KMT2A: variants seen among roughly 807,000 people sequenced by gnomAD.
KMT2A encodes histone-lysine N-methyltransferase 2A.
Under a neutral mutation model 345.3 loss-of-function variants are expected in KMT2A, and 16 were observed. The ratio of observed to expected loss-of-function variants is 0.05; its 90% confidence interval spans 0.03 to 0.07. KMT2A has a LOEUF of 0.07. KMT2A is among the 10% of genes least tolerant of loss of function. The pLI is 1.00. For missense variants in KMT2A, 3,272 were observed against 4,841.6 expected (o/e 0.68, Z 9.62); for synonymous variants, 1,599 against 1,778.6 (o/e 0.90, Z 2.54).
Position 118,510,245 on chromosome 11 carries a change from T to A in KMT2A, c.11071+127T>A. 1 of 667,094 alleles carries A rather than the reference T, an allele frequency of 1.5e-6. No individual in the cohort carries two copies. The highest frequency in any genetic ancestry group is 2.7e-5 in the Admixed American group (1 of 36,844). The allele number at this position is 667,094 out of a possible 1,614,324, so 41.3% of individuals were successfully genotyped here. ...GATGGTAGGGGGATACCTGGAGGCA[T>A]CATACATTTTCCTTGTCCTTGAGAA... On this transcript the variant is annotated intron_variant, in intron 30 of 35. Transcript: ENST00000534358. This position sits in a 1 kb window ranked among gnomAD's most constrained non-coding sequence, Gnocchi z 4.1.
Position 118,484,341 on chromosome 11 carries a change from A to G in KMT2A, c.4218+27A>G. 2 of 1,608,712 alleles carry G rather than the reference A, an allele frequency of 1.2e-6. No homozygotes were observed. The highest frequency in any genetic ancestry group is 1.7e-6 in the Non-Finnish European group (2 of 1,176,894). On this transcript the variant is annotated intron_variant, in intron 9 of 35. Coordinates refer to ENST00000534358, the MANE Select transcript of KMT2A (RefSeq NM_001197104.2). This position sits in a 1 kb window ranked among gnomAD's most constrained non-coding sequence, Gnocchi z 4.1. ...TAAAGGTGTTCAGTGATCATAAAGT[A>G]TATTGAGTGTCAAAGACTTTAAATA... is the stretch of plus-strand genomic sequence containing the variant.
intron 28 of KMT2A, among the ~76,000 whole-genome samples, chr11:118,508,063 A>G (rs1422305981): frequency 6.6e-6 from 1 of 152,246 alleles, no homozygotes; most frequent in African/African-American, 2.4e-5. Context: ...AAACAAGTAA[A>G]CAAAAAATAT....
chr11:118,522,424 G>T lies in KMT2A; in HGVS notation c.*252G>T, dbSNP rs1209710152. The T allele has an allele frequency of 2.1e-6, 1 of 465,912 alleles. No homozygotes were observed. Among genetic ancestry groups the T allele is most frequent in the Non-Finnish European group, 3.9e-6 (1 of 256,154 alleles). The allele number at this position is 465,912 out of a possible 1,614,324, so 28.9% of individuals were successfully genotyped here. ...GGGCCCCTCCAATTGTTTACTGTTA[G>T]AAAGTGGGAATGGGGTCCCTAGCAG... On this transcript the variant is annotated 3_prime_UTR_variant, in exon 36 of 36. Transcript: ENST00000534358. The surrounding 1 kb of genome is among the most constrained non-coding windows in gnomAD (Gnocchi z 5.4).
Position 118,496,953 on chromosome 11 carries a change from T to A in KMT2A, c.5664+586T>A, listed in dbSNP as rs949282876. Among the ~76,000 whole-genome samples, 6 of 152,298 alleles carry A rather than the reference T, an allele frequency of 3.9e-5. No homozygotes were observed. Among genetic ancestry groups the A allele is most frequent in the East Asian group, 1.9e-4 (1 of 5,186 alleles). The stretch of plus-strand genomic sequence containing the variant: ...CACACACAGTAAGCTACAATTTTTT[T>A]AAAAGTTTTTTGTGTTTTTTGTTTT... On this transcript the variant is annotated intron_variant, in intron 20 of 35. Transcript: ENST00000534358. The surrounding 1 kb of genome is among the most constrained non-coding windows in gnomAD (Gnocchi z 4.7).
chr11:118,499,773 C>G, intron 23 of KMT2A, 62 bp from the exon 24 acceptor site: 1 of 1,267,458 alleles, frequency 7.9e-7, no homozygotes, highest in Non-Finnish European at 1.2e-6. Context: ...GAGTGAGACT[C>G]TCTCAAAAAA....
chr11:118,462,532 A>G (rs1949764460), intron 1 of KMT2A, among the ~76,000 whole-genome samples: 1 of 152,110 alleles, frequency 6.6e-6, no homozygotes, highest in Non-Finnish European at 1.5e-5. Flanking sequence ...GGGTAAAAGT[A>G]TAGTTCATTT....
chr11:118,512,271 G>T (rs782483401), intron 31 of KMT2A: 31 of 530,900 alleles, frequency 5.8e-5, no homozygotes, highest in Non-Finnish European at 9.6e-5. Context: ...ATCCCTAAAA[G>T]AAACCCCCTA....
rs1950038088 is a variant in KMT2A, at chr11:118,476,367, A to G, written c.3157-438A>G. ...ATTTAAAATAGTAGTATAATTGGGA[A>G]TAGAAGCTTAGTTGTTTGTTTGTTT... On this transcript the variant is annotated intron_variant, in intron 3 of 35. Transcript: ENST00000534358. This position sits in a 1 kb window ranked among gnomAD's most constrained non-coding sequence, Gnocchi z 4.1. Among the ~76,000 whole-genome samples the G allele has an allele frequency of 6.6e-6, 1 of 152,264 alleles. No homozygotes were observed. The highest frequency in any genetic ancestry group is 1.9e-4 in the East Asian group (1 of 5,178).
In KMT2A at chr11:118,503,707, T is replaced by C; in HGVS notation, c.7815T>C (p.Asp2605=). Residue 2605 remains aspartate (D), a synonymous_variant, in exon 27 of 36, where the codon GAT becomes GAC. Coordinates refer to ENST00000534358, the MANE Select transcript of KMT2A (RefSeq NM_001197104.2). The surrounding 1 kb of genome is among the most constrained non-coding windows in gnomAD (Gnocchi z 5.3). ...PVQDRNLMLP[D]GPKPQEDGSF... ...AGGACAGAAACCTAATGCTTCCAGATGGCCCCAAACCTCAGGAGGATGGCT... is the reference window on the plus strand; with the variant it reads ...AGGACAGAAACCTAATGCTTCCAGACGGCCCCAAACCTCAGGAGGATGGCT... 1 of 1,614,212 alleles carries C rather than the reference T, an allele frequency of 6.2e-7. No individual in the cohort carries two copies. Among genetic ancestry groups the C allele is most frequent in the Non-Finnish European group, 8.5e-7 (1 of 1,180,036 alleles).
chr11:118,506,626 A>G lies in KMT2A; in HGVS notation c.10734A>G (p.Thr3578=). 1 of 1,604,194 alleles carries G rather than the reference A, an allele frequency of 6.2e-7. No homozygotes were observed. Among genetic ancestry groups the G allele is most frequent in the Non-Finnish European group, 8.5e-7 (1 of 1,173,856 alleles). The change falls in exon 27 of 36, where the codon ACA becomes ACG. Residue 3578 remains threonine (T), a synonymous_variant. Transcript: ENST00000534358. The part of the protein sequence containing the change: ...SEAHIPDQET[T]SLTSGTGTPG... ...CACACATTCCAGACCAAGAAACGACATCCCTGACCTCAGGCACAGGGTGAG... is the reference window on the plus strand; with the variant it reads ...CACACATTCCAGACCAAGAAACGACGTCCCTGACCTCAGGCACAGGGTGAG...
intron 31 of KMT2A, among the ~76,000 whole-genome samples, chr11:118,515,912 T>C (rs1486769296): frequency 6.6e-6 from 1 of 152,092 alleles, no homozygotes; most frequent in African/African-American, 2.4e-5. Flanking sequence ...GGTCTCGAAC[T>C]TCTGACCTCA....
chr11:118,466,486 G>A (rs1413919736), intron 1 of KMT2A, among the ~76,000 whole-genome samples: 1 of 152,140 alleles, frequency 6.6e-6, no homozygotes, highest in East Asian at 1.9e-4. Context: ...CACAAATAAT[G>A]TTCACAGTAA....
intron 1 of KMT2A, among the ~76,000 whole-genome samples, chr11:118,461,444 A>G (rs1367681262): frequency 6.6e-6 from 1 of 152,236 alleles, no homozygotes; most frequent in African/African-American, 2.4e-5. Context: ...ATGAGTTAAC[A>G]GTATTTTGCA....
rs782315435 is a variant in KMT2A, at chr11:118,503,568, C to T, written c.7676C>T (p.Thr2559Ile). The T allele has an allele frequency of 3.7e-6, 6 of 1,614,194 alleles. No homozygotes were observed. In the East Asian group the frequency reaches 1.1e-4, roughly 30 times the overall value. ...TTGCAAATAGAGTCAACATCTCCCA[C>T]AGAACCAATTTCAGCCTCTGAAAAT... Reference protein sequence around the residue: ...SPLQIESTSPTEPISASENPG... With the variant: ...SPLQIESTSPIEPISASENPG... The change falls in exon 27 of 36, where the codon ACA becomes ATA. Residue 2559 changes from threonine (T) to isoleucine (I), a missense_variant. Physicochemically the swap from Thr to Ile is moderately conservative, Grantham distance 89 (BLOSUM62 -1). Coordinates refer to ENST00000534358, the MANE Select transcript of KMT2A (RefSeq NM_001197104.2). This position sits in a 1 kb window ranked among gnomAD's most constrained non-coding sequence, Gnocchi z 5.3.
In KMT2A at chr11:118,489,855, C is replaced by G; in HGVS notation, c.4543C>G (p.Pro1515Ala). 1 of 1,614,094 alleles carries G rather than the reference C, an allele frequency of 6.2e-7. No individual in the cohort carries two copies. Among genetic ancestry groups the G allele is most frequent in the Non-Finnish European group, 8.5e-7 (1 of 1,180,006 alleles). Residue 1515 changes from proline (P) to alanine (A), a missense_variant, in exon 12 of 36, where the codon CCC becomes GCC. Around this residue, in one of 27 missense-constraint regions of KMT2A, gnomAD observed 120 missense variants for 280.4 expected, o/e 0.43. Coordinates refer to ENST00000534358, the MANE Select transcript of KMT2A (RefSeq NM_001197104.2). Reference protein sequence around the residue: ...YHPECLGPNYPTKPTKKKKVW... With the variant: ...YHPECLGPNYATKPTKKKKVW... ...CCCTGAGTGCCTGGGACCAAACTACCCCACCAAACCCACAAAGAAGAAGAA... is the reference window on the plus strand; with the variant it reads ...CCCTGAGTGCCTGGGACCAAACTACGCCACCAAACCCACAAAGAAGAAGAA...
At chr11:118,483,298 C>T (rs1248190303) in intron 8 of KMT2A, among the ~76,000 whole-genome samples, 6 of 150,628 alleles carry the variant, frequency 4.0e-5, no homozygotes, top group Non-Finnish European at 8.8e-5. Flanking sequence ...TTTGGGAGGC[C>T]GAGGCGGGCG....
At position 118,504,128 on chromosome 11, in the gene KMT2A, A is replaced by G. The variant is rs2134397343; in HGVS notation, c.8236A>G (p.Arg2746Gly). 6.2e-7 allele frequency: 1 copy of G among 1,614,226 alleles called. No homozygotes were observed. Among genetic ancestry groups the G allele is most frequent in the East Asian group, 2.2e-5 (1 of 44,892 alleles). ...AAGGAAAAGCAGCCAGATTCCAAAA[A>G]GAAATGGTAAAGAAAATGGAACAGA... ...TTRKSSQIPK[R>G]NGKENGTENL... Residue 2746 changes from arginine (R) to glycine (G), a missense_variant, in exon 27 of 36, where the codon AGA (arginine) becomes GGA (glycine). Physicochemically the swap from Arg to Gly is moderately radical, Grantham distance 125. Coordinates refer to ENST00000534358, the MANE Select transcript of KMT2A (RefSeq NM_001197104.2). This position sits in a 1 kb window ranked among gnomAD's most constrained non-coding sequence, Gnocchi z 6.4.
chr11:118,495,191 G>A lies in KMT2A; in HGVS notation c.5363+424G>A, dbSNP rs1373731717. On this transcript the variant is annotated intron_variant, in intron 18 of 35. Coordinates refer to ENST00000534358, the MANE Select transcript of KMT2A (RefSeq NM_001197104.2). This position sits in a 1 kb window ranked among gnomAD's most constrained non-coding sequence, Gnocchi z 4.1. ...TTTTTTTTTTTTGAGACGGAGTCTC[G>A]TTCTGTCACCAGGCTGGAGTGCAGT... Among the ~76,000 whole-genome samples, 3 of 148,306 alleles carry A rather than the reference G, an allele frequency of 2.0e-5. No homozygotes were observed. Among genetic ancestry groups the A allele is most frequent in the Non-Finnish European group, 3.0e-5 (2 of 67,504 alleles).
Position 118,498,329 on chromosome 11 carries a change from A to G in KMT2A, c.5803-41A>G, listed in dbSNP as rs782436496. The stretch of plus-strand genomic sequence containing the variant: ...GGAGACGGTAAACGTCTTAAAACAT[A>G]TGAAAGTCTGAATAGGACTCTGTTC... On this transcript the variant is annotated intron_variant, in intron 21 of 35. Transcript: ENST00000534358. The surrounding 1 kb of genome is among the most constrained non-coding windows in gnomAD (Gnocchi z 4.4). 6.4e-7 allele frequency: 1 copy of G among 1,572,480 alleles called. No homozygotes were observed. The highest frequency in any genetic ancestry group is 1.1e-5 in the South Asian group (1 of 87,374).
Sources: gnomAD v4.1 joint callset for allele counts (sites outside exome capture counted in the v4.1 genomes callset) on GRCh38, gnomAD v4.1.1 for gene constraint, gnomAD v4.1.1 regional missense constraint, Gnocchi (gnomAD v3.1) non-coding constraint, MANE v1.5 for transcripts, NCBI Gene and HGNC (gene_info 2026-07-23, HGNC 2026-07-21) for gene names.